The following EIF4G3 variants were observed in gnomAD, a reference collection of about 807,000 sequenced individuals.
EIF4G3 encodes eukaryotic translation initiation factor 4 gamma 3.
A neutral mutation model predicts 186.4 loss-of-function variants in EIF4G3; 34 were observed. That is an observed-to-expected ratio of 0.18 (90% confidence interval 0.14 to 0.24). The LOEUF is 0.24. Ranked by LOEUF, EIF4G3 falls within the 10% of genes least tolerant of loss-of-function variation. The pLI is 1.00. For missense variants in EIF4G3, 1,536 were observed against 1,948.5 expected, an observed-to-expected ratio of 0.79 and a Z score of 3.99; for synonymous variants, 673 against 679.5, an observed-to-expected ratio of 0.99 and a Z score of 0.15.
chr1:21,022,677 T>C (rs2154570991), intron 4 of EIF4G3, among the ~76,000 whole-genome samples: 1 of 152,358 alleles, frequency 6.6e-6, no homozygotes, highest in African/African-American at 2.4e-5. Flanking sequence ...ACCAAGTTCC[T>C]GACAATACAA....
chr1:20,905,555 T>C (rs554616714), intron 14 of EIF4G3, among the ~76,000 whole-genome samples: 13 of 152,338 alleles, frequency 8.5e-5, no homozygotes, highest in African/African-American at 2.6e-4. Flanking sequence ...CCTTTCATAT[T>C]GATAGAGTGA....
In EIF4G3 at chr1:20,896,435, C is replaced by CAA. The variant is rs201025308; in HGVS notation, c.2000-936_2000-935dup. 1.6e-4 allele frequency among the ~76,000 whole-genome samples: 9 copies of CAA among 54,642 alleles called. No individual in the cohort carries two copies. The East Asian group carries it at 2.8e-3, about 17-fold the overall frequency. 35.8% of individuals were successfully genotyped at this position (54,642 alleles called of 152,430 possible). On this transcript the variant is annotated intron_variant, in intron 16 of 36. Transcript: ENST00000602326. ...TGGGTAACAGAGTGAGATTCTATCT[C>CAA]AAAAAAAAAAAAAAAAAGAAAAAGA...
At position 20,981,270 on chromosome 1, in the gene EIF4G3, CA is replaced by C; in HGVS notation, c.199-44del. 3 of 1,259,000 alleles carry C rather than the reference CA, an allele frequency of 2.4e-6. No homozygotes were observed. The South Asian group carries it at 4.8e-5, about 20-fold the overall frequency. 78.0% of individuals were successfully genotyped at this position (1,259,000 alleles called of 1,614,324 possible). On this transcript the variant is annotated intron_variant, in intron 8 of 36. Coordinates refer to ENST00000602326, the MANE Select transcript of EIF4G3 (RefSeq NM_001391906.1). ...AAAAAATTTTTTTTTTTTTTTAACA[CA>C]GGGGAATATATAAATTTTACTGTCT...
intron 2 of EIF4G3, among the ~76,000 whole-genome samples, chr1:21,099,694 AT>A (rs757097066): frequency 2.6e-5 from 4 of 152,228 alleles, no homozygotes; most frequent in Non-Finnish European, 5.9e-5. Context: ...AAGGGACATC[AT>A]TGAAGGAATA....
chr1:21,015,129 G>C (rs1472860111), intron 4 of EIF4G3, among the ~76,000 whole-genome samples: 1 of 151,746 alleles, frequency 6.6e-6, no homozygotes, highest in Non-Finnish European at 1.5e-5. Flanking sequence ...AAAAATAACT[G>C]AATTGAAAAA....
At chr1:20,972,421 C>T (rs2154565794) in intron 11 of EIF4G3, among the ~76,000 whole-genome samples, 1 of 152,084 alleles carries the variant, frequency 6.6e-6, no homozygotes, top group Middle Eastern at 3.4e-3. Flanking sequence ...ATTGCTTGAG[C>T]TCAGGAGTTC....
At chr1:20,962,525 T>C (rs547596607) in intron 12 of EIF4G3, among the ~76,000 whole-genome samples, 31 of 152,320 alleles carry the variant, frequency 2.0e-4, no homozygotes, top group South Asian at 4.1e-4. Context: ...CATATCTTGA[T>C]ATCAAAAAGT....
intron 12 of EIF4G3, among the ~76,000 whole-genome samples, chr1:20,966,475 AT>A (rs796461952): frequency 4.6e-3 from 641 of 139,888 alleles, no homozygotes; most frequent in African/African-American, 5.5e-3. Flanking sequence ...ATGGGTCAAC[AT>A]TTTTTTTTTT....
At chr1:21,006,669 C>T (rs2085165495) in intron 4 of EIF4G3, among the ~76,000 whole-genome samples, 1 of 152,140 alleles carries the variant, frequency 6.6e-6, no homozygotes, top group African/African-American at 2.4e-5. Context: ...TTATGGTGTA[C>T]ATATAACCCT....
At chr1:20,968,888 G>A (rs2075272842) in intron 12 of EIF4G3, among the ~76,000 whole-genome samples, 1 of 152,052 alleles carries the variant, frequency 6.6e-6, no homozygotes, top group Non-Finnish European at 1.5e-5. Flanking sequence ...CACGAATTTT[G>A]GTACTGTGGA....
chr1:20,957,517 T>G (rs1329812672), intron 12 of EIF4G3, among the ~76,000 whole-genome samples: 1 of 125,382 alleles, frequency 8.0e-6, no homozygotes, highest in Non-Finnish European at 1.8e-5. Flanking sequence ...AACAAGACTC[T>G]GTCTCAAAAA....
At chr1:20,882,238 C>T (rs973490778) in intron 19 of EIF4G3, among the ~76,000 whole-genome samples, 1 of 151,012 alleles carries the variant, frequency 6.6e-6, no homozygotes, top group Non-Finnish European at 1.5e-5. Flanking sequence ...GGATAAGCTA[C>T]AGGAGCTCAT....
intron 30 of EIF4G3, among the ~76,000 whole-genome samples, chr1:20,834,294 A>T (rs1014693111): frequency 4.0e-5 from 6 of 151,890 alleles, no homozygotes; most frequent in Non-Finnish European, 5.9e-5. Flanking sequence ...ATAAAAAAAT[A>T]AAAAAAATTA....
Position 21,167,753 on chromosome 1 carries a change from G to A in EIF4G3, c.-272+8422C>T, listed in dbSNP as rs367773580. On this transcript the variant is annotated intron_variant, in intron 2 of 36. Transcript: ENST00000602326. ...AGCCTGGGCAACAGAGTGAGACTCCGTCACAAAGAAAAAAAAAATTAGGAC... is the reference window on the plus strand; with the variant it reads ...AGCCTGGGCAACAGAGTGAGACTCCATCACAAAGAAAAAAAAAATTAGGAC... Among the ~76,000 whole-genome samples the A allele has an allele frequency of 1.8e-4, 27 of 151,424 alleles. 1 individual carries two copies. The highest frequency in any genetic ancestry group is 1.5e-3 in the South Asian group (7 of 4,800).
At chr1:21,169,894 AG>A (rs1450339129) in intron 2 of EIF4G3, among the ~76,000 whole-genome samples, 3 of 152,236 alleles carry the variant, frequency 2.0e-5, no homozygotes, top group African/African-American at 7.2e-5. Context: ...AAATATTTAC[AG>A]GCCAGGCACG....
rs1222730571 is a variant in EIF4G3, at chr1:20,872,111, C to CTG, written c.2623-6851_2623-6850dup. ...TAGATCTTTTGCTTAAAAAAAAAAT[C>CTG]TGTGTGTGTGTGTGTATACACATAT... On this transcript the variant is annotated intron_variant, in intron 20 of 36. Coordinates refer to ENST00000602326, the MANE Select transcript of EIF4G3 (RefSeq NM_001391906.1). Among the ~76,000 whole-genome samples, 312 of 151,354 alleles carry CTG rather than the reference C, an allele frequency of 2.1e-3. 1 individual carries two copies. The highest frequency in any genetic ancestry group is 6.6e-3 in the African/African-American group (274 of 41,256).
chr1:21,012,016 G>A (rs529293490), intron 4 of EIF4G3, among the ~76,000 whole-genome samples: 2 of 152,258 alleles, frequency 1.3e-5, no homozygotes, highest in South Asian at 2.1e-4. Flanking sequence ...GGATTGAGAA[G>A]CCCAAAGAGT....
Position 20,860,386 on chromosome 1 carries a change from T to G in EIF4G3, c.3243A>C (p.Pro1081=). 1 of 1,614,080 alleles carries G rather than the reference T, an allele frequency of 6.2e-7. No individual in the cohort carries two copies. Among genetic ancestry groups the G allele is most frequent in the Non-Finnish European group, 8.5e-7 (1 of 1,179,990 alleles). The change falls in exon 24 of 37, where the codon CCA becomes CCC. Residue 1081 remains proline (P), a splice_region_variant and synonymous_variant. Transcript: ENST00000602326. The stretch of plus-strand genomic sequence containing the variant: ...AACCCTGGTGGATTCCGGCCTCACC[T>G]GGTCTTCTCTTCTCTTTGGTCATGA... ...QQLMTKEKRR[P]GVQRVDEGGW... is the part of the protein sequence containing the mutation.
At chr1:20,808,667 C>T (rs192039350) in intron 36 of EIF4G3, among the ~76,000 whole-genome samples, 12 of 152,014 alleles carry the variant, frequency 7.9e-5, no homozygotes, top group Admixed American at 2.6e-4. Context: ...GGTGACAGAG[C>T]GAGAGTCCGT....
Sources: gnomAD v4.1 joint callset for allele counts (sites outside exome capture counted in the v4.1 genomes callset) on GRCh38, gnomAD v4.1.1 for gene constraint, MANE v1.5 for transcripts, NCBI Gene and HGNC (gene_info 2026-07-23, HGNC 2026-07-21) for gene names.